ARMC2: variants seen among roughly 807,000 people sequenced by gnomAD.
The protein encoded by ARMC2 is armadillo repeat containing 2.
Under a neutral mutation model 90.3 loss-of-function variants are expected in ARMC2, and 67 were observed. The observed-to-expected ratio is 0.74, with a 90% confidence interval of 0.61 to 0.91. The LOEUF (loss-of-function observed/expected upper bound fraction) is 0.91. Among genes scored for constraint, ARMC2 ranks in the 40% least tolerant of loss-of-function variants. The probability of loss-of-function intolerance (pLI) is 0.00; values close to 1 mark genes in which losing one functional copy is unlikely to be tolerated. For synonymous variants in ARMC2, 393 were observed against 393.0 expected (o/e 1.00, Z 0.00); for missense variants, 920 against 1,030.9 (o/e 0.89, Z 1.47).
intron 7 of ARMC2, among the ~76,000 whole-genome samples, chr6:108,901,678 A>G (rs369242839): frequency 3.9e-5 from 6 of 152,102 alleles, no homozygotes; most frequent in African/African-American, 1.4e-4. Context: ...CGGCCTTCCA[A>G]AGTTTTGGGA....
At chr6:109,022,831 A>G in the ARMC2 span, among the ~76,000 whole-genome samples, 1 of 152,208 alleles carries the variant, frequency 6.6e-6, no homozygotes, top group African/African-American at 2.4e-5. Context: ...CCAAGGCCAC[A>G]CATCAAGGGG....
chr6:108,963,320 A>C (rs1778133018), intron 15 of ARMC2, among the ~76,000 whole-genome samples: 1 of 152,220 alleles, frequency 6.6e-6, no homozygotes, highest in Non-Finnish European at 1.5e-5. Context: ...TTCGTAATGG[A>C]AAATTTCAAT....
At chr6:108,891,909 G>C (rs578205813) in intron 5 of ARMC2, among the ~76,000 whole-genome samples, 1 of 151,962 alleles carries the variant, frequency 6.6e-6, no homozygotes, top group African/African-American at 2.4e-5. Flanking sequence ...AATCCATCTT[G>C]AGTTAATTAG....
At chr6:108,988,622 T>C in the ARMC2 span, 1 of 1,613,158 alleles carries the variant, frequency 6.2e-7, no homozygotes, top group Non-Finnish European at 8.5e-7. Flanking sequence ...AACAACAGTT[T>C]TGATATAAAC....
Position 108,876,185 on chromosome 6 carries a change from A to T in ARMC2, c.506A>T (p.Asp169Val). Reference protein sequence around the residue: ...VESKETVMMGDSMVKINGIYL... With the variant: ...VESKETVMMGVSMVKINGIYL... ...TCCAAAGAAACAGTTATGATGGGGG[A>T]CTCTATGGTGAAAATAAATGGGATT... Residue 169 changes from aspartate (D) to valine (V), a missense_variant, in exon 5 of 18, where the codon GAC (aspartate) becomes GTC (valine). Coordinates refer to ENST00000392644, the MANE Select transcript of ARMC2 (RefSeq NM_032131.6). 1 of 1,612,570 alleles carries T rather than the reference A, an allele frequency of 6.2e-7. No individual in the cohort carries two copies. The highest frequency in any genetic ancestry group is 1.7e-5 in the Admixed American group (1 of 59,764).
chr6:108,877,294 C>A lies in ARMC2; in HGVS notation c.671+944C>A, dbSNP rs78402467. 2.6e-5 allele frequency among the ~76,000 whole-genome samples: 4 copies of A among 152,334 alleles called. No homozygotes were observed. The East Asian group carries it at 7.7e-4, about 29-fold the overall frequency. Reference sequence around the variant, plus strand: ...CTGACTTTGGCTTGGACACATGTAGCATGCTTAAAACTTTTCCCCCAAGTG... The same window carrying A: ...CTGACTTTGGCTTGGACACATGTAGAATGCTTAAAACTTTTCCCCCAAGTG... On this transcript the variant is annotated intron_variant, in intron 5 of 17. Coordinates refer to ENST00000392644, the MANE Select transcript of ARMC2 (RefSeq NM_032131.6).
the ARMC2 span, among the ~76,000 whole-genome samples, chr6:109,016,928 AT>A: frequency 1.3e-5 from 2 of 152,150 alleles, no homozygotes; most frequent in Non-Finnish European, 2.9e-5. Flanking sequence ...GATGATATAA[AT>A]TGGAGAGGGT....
chr6:108,862,950 C>G (rs1490657176), intron 3 of ARMC2, among the ~76,000 whole-genome samples: 1 of 152,164 alleles, frequency 6.6e-6, no homozygotes, highest in Non-Finnish European at 1.5e-5. Context: ...TTCTCCCCAT[C>G]CTATCTGGCA....
At chr6:108,990,874 T>G in the ARMC2 span, 15 of 1,550,744 alleles carry the variant, frequency 9.7e-6, no homozygotes, top group Non-Finnish European at 1.2e-5. Context: ...ATAAATGTGG[T>G]CAAGTACAGT....
intron 10 of ARMC2, 48 bp from the exon 11 acceptor site, chr6:108,928,040 A>T (rs370389399): frequency 4.0e-5 from 62 of 1,542,138 alleles, no homozygotes; most frequent in Non-Finnish European, 4.9e-5. Context: ...TCGTGTGGTT[A>T]TATTTTTTCA....
the ARMC2 span, among the ~76,000 whole-genome samples, chr6:109,046,065 A>T: frequency 6.6e-6 from 1 of 152,184 alleles, no homozygotes; most frequent in African/African-American, 2.4e-5. Context: ...TTACAAGCTT[A>T]AAAAAATCTA....
chr6:109,000,519 G>T, the ARMC2 span: 1 of 1,600,462 alleles, frequency 6.2e-7, no homozygotes, highest in South Asian at 1.1e-5. Flanking sequence ...AATAAGCCAA[G>T]GTCTATGGGC....
the ARMC2 span, among the ~76,000 whole-genome samples, chr6:109,019,532 T>C: frequency 6.6e-6 from 1 of 152,244 alleles, no homozygotes; most frequent in South Asian, 2.1e-4. Context: ...GTCTAGTCTA[T>C]AACCTAAAGC....
At chr6:108,930,149 A>T (rs1213645039) in intron 11 of ARMC2, among the ~76,000 whole-genome samples, 1 of 151,232 alleles carries the variant, frequency 6.6e-6, no homozygotes, top group African/African-American at 2.4e-5. Context: ...AAGAATCCAA[A>T]CTCTTCTTGT....
intron 12 of ARMC2, among the ~76,000 whole-genome samples, chr6:108,952,514 G>A (rs1777264680): frequency 1.4e-5 from 2 of 147,542 alleles, no homozygotes; most frequent in South Asian, 2.2e-4. Context: ...CATCTAGTGC[G>A]TGGAGGCCAG....
At chr6:108,905,029 G>A (rs1190467324) in intron 8 of ARMC2, among the ~76,000 whole-genome samples, 2 of 152,094 alleles carry the variant, frequency 1.3e-5, no homozygotes, top group Non-Finnish European at 2.9e-5. Flanking sequence ...TTTGAGGGGA[G>A]CACTTTGTTG....
chr6:108,889,809 T>C (rs549730005), intron 5 of ARMC2, among the ~76,000 whole-genome samples: 3 of 151,880 alleles, frequency 2.0e-5, no homozygotes, highest in Non-Finnish European at 4.4e-5. Flanking sequence ...ATCACTTCCT[T>C]CTTAGCACCC....
chr6:108,913,687 A>G (rs1183315736), intron 10 of ARMC2, among the ~76,000 whole-genome samples: 1 of 152,222 alleles, frequency 6.6e-6, no homozygotes, highest in African/African-American at 2.4e-5. Flanking sequence ...GGTCATTTAT[A>G]TACATATACA....
intron 5 of ARMC2, among the ~76,000 whole-genome samples, chr6:108,889,996 G>A (rs1394579344): frequency 2.0e-5 from 3 of 149,020 alleles, no homozygotes; most frequent in African/African-American, 7.5e-5. Context: ...AGACCATCCC[G>A]GCTAAAACGG....
Sources: allele counts gnomAD v4.1 joint callset (sites outside exome capture counted in the v4.1 genomes callset), GRCh38; gene constraint gnomAD v4.1.1; transcripts MANE v1.5; gene names NCBI Gene and HGNC (gene_info 2026-07-23, HGNC 2026-07-21).